Variants in REC114 observed in about 807,000 individuals in gnomAD.
The protein encoded by REC114 is REC114 meiotic recombination protein.
A neutral mutation model predicts 31.3 loss-of-function variants in REC114; 27 were observed. That is an observed-to-expected ratio of 0.86 (90% CI 0.64 to 1.19). REC114 has a LOEUF of 1.19. Ranked by LOEUF, REC114 falls within the 50% of genes most tolerant of loss-of-function variation. The pLI is 0.00. For missense variants in REC114, 344 were observed against 326.9 expected (o/e 1.05, Z -0.40); for synonymous variants, 134 against 127.7 (o/e 1.05, Z -0.33).
intron 2 of REC114, among the ~76,000 whole-genome samples, chr15:73,524,932 A>C (rs1264350975): frequency 6.6e-6 from 1 of 152,184 alleles, no homozygotes; most frequent in Non-Finnish European, 1.5e-5. Flanking sequence ...ATTTTTAACA[A>C]GTGGGATCTA....
In REC114 at chr15:73,495,673, A is replaced by T. The variant is rs7166940; in HGVS notation, c.249+21752A>T. On this transcript the variant is annotated intron_variant, in intron 2 of 5. Coordinates refer to ENST00000331090, the MANE Select transcript of REC114 (RefSeq NM_001042367.2). ...CCTTCTTTTATTAAGAGGCTATAGA[A>T]TTTAGGGTCTTTTCAAAAACACATC... Among the ~76,000 whole-genome samples the T allele has an allele frequency of 2.7e-3, 404 of 152,246 alleles. 2 individuals are homozygous for T. The highest frequency in any genetic ancestry group is 9.4e-3 in the African/African-American group (391 of 41,554).
At chr15:73,470,324 C>G (rs968531088) in intron 1 of REC114, among the ~76,000 whole-genome samples, 11 of 151,758 alleles carry the variant, frequency 7.2e-5, no homozygotes, top group African/African-American at 2.7e-4. Flanking sequence ...ATGCATTTGC[C>G]CATGTAATTA....
At chr15:73,481,686 TCTCA>T (rs572842537) in intron 2 of REC114, among the ~76,000 whole-genome samples, 20 of 128,834 alleles carry the variant, frequency 1.6e-4, no homozygotes, top group African/African-American at 6.1e-4. Context: ...TGAGGCGGAG[TCTCA>T]CTCTGTCGCC....
chr15:73,453,029 C>G (rs1395153557), intron 1 of REC114, among the ~76,000 whole-genome samples: 2 of 152,034 alleles, frequency 1.3e-5, no homozygotes, highest in African/African-American at 2.4e-5. Context: ...CGATGAAAAC[C>G]CTAGAAGAAG....
chr15:73,486,286 C>T (rs1485399470), intron 2 of REC114, among the ~76,000 whole-genome samples: 1 of 152,080 alleles, frequency 6.6e-6, no homozygotes, highest in African/African-American at 2.4e-5. Context: ...TTGGTAGAGA[C>T]AGGGTTTCAC....
At chr15:73,493,021 T>C (rs561991001) in intron 2 of REC114, among the ~76,000 whole-genome samples, 1 of 151,926 alleles carries the variant, frequency 6.6e-6, no homozygotes, top group South Asian at 2.1e-4. Context: ...TATTTTTATT[T>C]ATTTATTTTT....
chr15:73,496,651 CAAAAAAAA>C (rs202054841), intron 2 of REC114, among the ~76,000 whole-genome samples: 2 of 84,702 alleles, frequency 2.4e-5, no homozygotes, highest in African/African-American at 8.6e-5. Flanking sequence ...AGACTCCATC[CAAAAAAAA>C]AAAAAAAAAA....
intron 2 of REC114, among the ~76,000 whole-genome samples, chr15:73,487,445 A>G (rs1893386319): frequency 6.6e-6 from 1 of 152,232 alleles, no homozygotes; most frequent in African/African-American, 2.4e-5. Context: ...TGGGCATAGG[A>G]TAGACATTCC....
At chr15:73,534,205 A>G (rs1318484961) in intron 2 of REC114, among the ~76,000 whole-genome samples, 2 of 152,040 alleles carry the variant, frequency 1.3e-5, no homozygotes, top group Non-Finnish European at 2.9e-5. Flanking sequence ...AACTGAAGGA[A>G]ATAGAGATAC....
intron 2 of REC114, among the ~76,000 whole-genome samples, chr15:73,532,572 A>G (rs1894100370): frequency 6.6e-6 from 1 of 151,754 alleles, no homozygotes; most frequent in South Asian, 2.1e-4. Context: ...TGACTTCCAC[A>G]ATGGTTGAAC....
In REC114 at chr15:73,527,276, G is replaced by A. The variant is rs551172365; in HGVS notation, c.250-13209G>A. Among the ~76,000 whole-genome samples the A allele has an allele frequency of 9.2e-5, 14 of 152,258 alleles. No homozygotes were observed. In the East Asian group the frequency reaches 2.7e-3, roughly 29 times the overall value. ...GAAGTTGTTCTTGCTCAGTCTTATG[G>A]TATTTCGTTCTGCATATGTACAGAT... On this transcript the variant is annotated intron_variant, in intron 2 of 5. Transcript: ENST00000331090.
At chr15:73,474,762 C>G in intron 2 of REC114, among the ~76,000 whole-genome samples, 1 of 152,116 alleles carries the variant, frequency 6.6e-6, no homozygotes, top group Non-Finnish European at 1.5e-5. Context: ...CAGCAATAAG[C>G]AAATAGGTCA....
intron 2 of REC114, among the ~76,000 whole-genome samples, chr15:73,482,343 A>C (rs1192545545): frequency 6.6e-6 from 1 of 152,136 alleles, no homozygotes; most frequent in African/African-American, 2.4e-5. Context: ...CTGGTTGTTT[A>C]AAATAGTGAG....
At chr15:73,478,320 G>A (rs1231948691) in intron 2 of REC114, among the ~76,000 whole-genome samples, 1 of 148,114 alleles carries the variant, frequency 6.8e-6, no homozygotes, top group South Asian at 2.1e-4. Flanking sequence ...CGTGGATATC[G>A]ATTATTTTAG....
At chr15:73,444,847 C>T (rs1892744678) in intron 1 of REC114, among the ~76,000 whole-genome samples, 1 of 152,206 alleles carries the variant, frequency 6.6e-6, no homozygotes, top group African/African-American at 2.4e-5. Context: ...TGAAAGCAGA[C>T]AATTACTCCT....
chr15:73,536,156 A>G (rs1208761117), intron 2 of REC114, among the ~76,000 whole-genome samples: 1 of 152,202 alleles, frequency 6.6e-6, no homozygotes, highest in Non-Finnish European at 1.5e-5. Flanking sequence ...CAATGGCAAC[A>G]AAAGACAAAA....
chr15:73,453,974 G>T (rs948869140), intron 1 of REC114, among the ~76,000 whole-genome samples: 2 of 151,542 alleles, frequency 1.3e-5, no homozygotes, highest in African/African-American at 2.4e-5. Context: ...GTAGGGGAGT[G>T]GGGGGCTGGG....
chr15:73,559,705 A>G (rs560624977), intron 5 of REC114, 47 bp from the exon 6 acceptor site: 84 of 1,477,324 alleles, frequency 5.7e-5, no homozygotes, highest in Non-Finnish European at 7.1e-5. Flanking sequence ...TTAGCCAGGT[A>G]TTGCTTTTAC....
At chr15:73,445,418 T>C (rs1253165361) in intron 1 of REC114, among the ~76,000 whole-genome samples, 3 of 152,254 alleles carry the variant, frequency 2.0e-5, no homozygotes, top group African/African-American at 7.2e-5. Context: ...ATTCCACTTA[T>C]CATTCCTGTG....
Sources: allele counts gnomAD v4.1 joint callset (sites outside exome capture counted in the v4.1 genomes callset), GRCh38; gene constraint gnomAD v4.1.1; transcripts MANE v1.5; gene names NCBI Gene and HGNC (gene_info 2026-07-23, HGNC 2026-07-21).